Variants in FBN2 observed in about 807,000 individuals in gnomAD.
The protein encoded by FBN2 is fibrillin 2, also known as fibrillin-2.
Under a neutral mutation model 355.6 loss-of-function variants are expected in FBN2, and 105 were observed. That is an observed-to-expected ratio of 0.30 (90% CI 0.25 to 0.35). The LOEUF is 0.35. Ranked by LOEUF, FBN2 falls within the 10% of genes least tolerant of loss-of-function variation. FBN2 has a pLI of 1.00. For synonymous variants in FBN2, 1,350 were observed against 1,301.2 expected, an observed-to-expected ratio of 1.04 and a Z score of -0.81; for missense variants, 3,280 against 3,758.7, an observed-to-expected ratio of 0.87 and a Z score of 3.33.
chr5:128,430,333 T>C (rs1280917833), intron 7 of FBN2, among the ~76,000 whole-genome samples: 2 of 152,168 alleles, frequency 1.3e-5, no homozygotes, highest in African/African-American at 4.8e-5. Flanking sequence ...TCTTATGTTG[T>C]ATTATTGTAC....
intron 10 of FBN2, 25 bp downstream of exon 10, chr5:128,393,110 G>T: frequency 6.5e-7 from 1 of 1,546,952 alleles, no homozygotes; most frequent in Non-Finnish European, 8.9e-7. Context: ...AAACTAAAGA[G>T]TCCACAGGAA....
At chr5:128,398,199 A>C (rs1752700869) in intron 8 of FBN2, among the ~76,000 whole-genome samples, 1 of 152,080 alleles carries the variant, frequency 6.6e-6, no homozygotes, top group Non-Finnish European at 1.5e-5. Flanking sequence ...TAGAGGACCT[A>C]ATATTAATGA....
chr5:128,529,064 T>C (rs1756641861), intron 3 of FBN2, among the ~76,000 whole-genome samples: 1 of 152,218 alleles, frequency 6.6e-6, no homozygotes, highest in Non-Finnish European at 1.5e-5. Flanking sequence ...AAGTAGCCTG[T>C]GGTCAGCAAT....
At chr5:128,305,227 A>T in intron 44 of FBN2, 145 bp from the exon 45 acceptor site, 1 of 841,598 alleles carries the variant, frequency 1.2e-6, no homozygotes, top group Non-Finnish European at 1.9e-6. Context: ...CAAAATGAGC[A>T]GGACTTCAAA....
intron 5 of FBN2, among the ~76,000 whole-genome samples, chr5:128,477,757 C>T (rs941525164): frequency 6.6e-6 from 1 of 152,192 alleles, no homozygotes; most frequent in Non-Finnish European, 1.5e-5. Flanking sequence ...AATCCATGCT[C>T]TTAACCATCT....
At chr5:128,335,406 A>T in intron 29 of FBN2, 49 bp downstream of exon 29, 2 of 1,613,544 alleles carry the variant, frequency 1.2e-6, no homozygotes, top group Non-Finnish European at 1.7e-6. Context: ...CATATTTTCA[A>T]GAAAAAATTA....
chr5:128,268,386 C>A (rs1765173606), intron 62 of FBN2, among the ~76,000 whole-genome samples: 1 of 152,032 alleles, frequency 6.6e-6, no homozygotes, highest in Non-Finnish European at 1.5e-5. Context: ...TAATTAATAG[C>A]CTACCAACCA....
At chr5:128,346,396 T>A (rs1442960548) in intron 23 of FBN2, among the ~76,000 whole-genome samples, 6 of 152,214 alleles carry the variant, frequency 3.9e-5, no homozygotes, top group African/African-American at 1.4e-4. Flanking sequence ...CTTAATCAAA[T>A]AGCATGATTT....
At chr5:128,456,736 C>G (rs910181471) in intron 6 of FBN2, among the ~76,000 whole-genome samples, 1 of 152,046 alleles carries the variant, frequency 6.6e-6, no homozygotes, top group Non-Finnish European at 1.5e-5. Context: ...GACAAACAAG[C>G]AGAAAGTGAC....
chr5:128,468,426 C>A (rs1023797613), intron 5 of FBN2, among the ~76,000 whole-genome samples: 10 of 152,152 alleles, frequency 6.6e-5, no homozygotes, highest in Non-Finnish European at 1.3e-4. Flanking sequence ...TATATGTTTT[C>A]ATTTCTCTTG....
intron 19 of FBN2, among the ~76,000 whole-genome samples, chr5:128,357,952 T>A (rs539625931): frequency 9.9e-5 from 15 of 151,542 alleles, no homozygotes; most frequent in Middle Eastern, 3.4e-3. Context: ...GTTTGCTTAG[T>A]TTTTTTTTAA....
chr5:128,276,072 C>A lies in FBN2; in HGVS notation c.7560G>T (p.Gly2520=), dbSNP rs199729928. The A allele has an allele frequency of 1.2e-6, 2 of 1,613,666 alleles. No homozygotes were observed. The highest frequency in any genetic ancestry group is 1.7e-5 in the Admixed American group (1 of 59,998). The part of the protein sequence containing the change: ...EGSYQCSCPR[G]YVLQEDGKTC... Reference sequence around the variant, plus strand: ...TCTTTCCATCCTCTTGCAGGACATACCCCCTCGGACATGAACACTGATAAC... The same window carrying A: ...TCTTTCCATCCTCTTGCAGGACATAACCCCTCGGACATGAACACTGATAAC... Residue 2520 remains glycine (G), a synonymous_variant, in exon 59 of 65, where the codon GGG becomes GGT. Transcript: ENST00000262464.
At position 128,537,511 on chromosome 5, in the gene FBN2, C is replaced by G. The variant is rs371491169; in HGVS notation, c.93G>C (p.Gln31His). 1.9e-6 allele frequency: 3 copies of G among 1,577,214 alleles called. No individual in the cohort carries two copies. Among genetic ancestry groups the G allele is most frequent in the Non-Finnish European group, 2.6e-6 (3 of 1,164,668 alleles). Reference protein sequence around the residue: ...LWAQGTAGQPQPPPPKPPRPQ... With the variant: ...LWAQGTAGQPHPPPPKPPRPQ... ...GCCGGGGCGGCTTGGGCGGAGGAGG[C>G]TGAGGCTGGCCGGCCGTGCCCTGCG... Residue 31 changes from glutamine to histidine, a missense_variant, in exon 1 of 65, where the codon CAG becomes CAC. Gln to His is a conservative substitution (Grantham distance 24). Transcript: ENST00000262464.
chr5:128,517,070 C>T (rs60201468), intron 5 of FBN2, among the ~76,000 whole-genome samples: 24,545 of 151,944 alleles, frequency 0.16, 3,572 homozygotes, highest in African/African-American at 0.39. Flanking sequence ...ATTAATCTTA[C>T]AATTTTTTTT....
At chr5:128,447,896 T>C (rs1754116634) in intron 6 of FBN2, among the ~76,000 whole-genome samples, 1 of 152,200 alleles carries the variant, frequency 6.6e-6, no homozygotes, top group South Asian at 2.1e-4. Context: ...TGAAATAACA[T>C]TGAATTATTG....
intron 7 of FBN2, among the ~76,000 whole-genome samples, chr5:128,427,911 C>T (rs999759078): frequency 7.9e-5 from 12 of 152,142 alleles, no homozygotes; most frequent in Admixed American, 2.6e-4. Context: ...AAGTTCGGTT[C>T]GGTAAACATT....
chr5:128,341,141 A>G (rs1315465143), intron 25 of FBN2, among the ~76,000 whole-genome samples: 1 of 152,202 alleles, frequency 6.6e-6, no homozygotes, highest in East Asian at 1.9e-4. Context: ...TTTTCCACAG[A>G]ACTTCACAGT....
chr5:128,361,578 A>G (rs1751638413), intron 19 of FBN2, 145 bp downstream of exon 19: 2 of 1,048,032 alleles, frequency 1.9e-6, no homozygotes, highest in Non-Finnish European at 2.9e-6. Context: ...ACTATTTCAA[A>G]AACTGGCAGA....
intron 57 of FBN2, 87 bp from the exon 58 acceptor site, chr5:128,278,092 G>A (rs1382873044): frequency 8.6e-6 from 12 of 1,395,840 alleles, no homozygotes; most frequent in Non-Finnish European, 1.2e-5. Flanking sequence ...TGAAGAAATG[G>A]AGATGACATA....
Sources: gnomAD v4.1 joint callset for allele counts (sites outside exome capture counted in the v4.1 genomes callset) on GRCh38, gnomAD v4.1.1 for gene constraint, MANE v1.5 for transcripts, NCBI Gene and HGNC (gene_info 2026-07-23, HGNC 2026-07-21) for gene names.